The following DOCK3 variants were observed in gnomAD, a reference collection of about 807,000 sequenced individuals.
DOCK3 encodes the protein dedicator of cytokinesis protein 3.
Under a neutral mutation model 265.6 loss-of-function variants are expected in DOCK3, and 60 were observed. The ratio of observed to expected loss-of-function variants is 0.23; its 90% confidence interval spans 0.18 to 0.28. The LOEUF (loss-of-function observed/expected upper bound fraction) is 0.28. Among genes scored for constraint, DOCK3 ranks in the 10% least tolerant of loss-of-function variants. DOCK3 has a pLI of 1.00. For missense variants in DOCK3, 1,981 were observed against 2,594.3 expected (o/e 0.76, Z 5.14); for synonymous variants, 881 against 938.0 (o/e 0.94, Z 1.11).
intron 11 of DOCK3, among the ~76,000 whole-genome samples, chr3:51,159,812 C>A (rs1344249153): frequency 6.6e-6 from 1 of 152,220 alleles, no homozygotes; most frequent in Non-Finnish European, 1.5e-5. Context: ...ATTTTTACTA[C>A]TGTTCTGTGG....
rs1211762588 is a variant in DOCK3, at chr3:51,225,677, C to T, written c.1281C>T (p.Thr427=). 6.2e-7 allele frequency: 1 copy of T among 1,613,392 alleles called. No homozygotes were observed. The highest frequency in any genetic ancestry group is 2.2e-5 in the East Asian group (1 of 44,876). ...ATATCCGCAATGACCTGTACCTAAC[C>T]CTGGAGAAGGGGGATTTCGAGAGAG... The part of the protein sequence containing the change: ...PGDIRNDLYL[T]LEKGDFERGG... The change falls in exon 15 of 53, where the codon ACC becomes ACT. Residue 427 remains threonine (T), a synonymous_variant. Coordinates refer to ENST00000266037, the MANE Select transcript of DOCK3 (RefSeq NM_004947.5).
chr3:50,780,016 G>C (rs1214262650), intron 2 of DOCK3, among the ~76,000 whole-genome samples: 1 of 152,112 alleles, frequency 6.6e-6, no homozygotes, highest in Non-Finnish European at 1.5e-5. Context: ...TTGGGTTACT[G>C]TTAAGAGGGG....
At chr3:50,796,007 C>T (rs11928733) in intron 2 of DOCK3, among the ~76,000 whole-genome samples, 114,786 of 151,728 alleles carry the variant, frequency 0.76, 44,570 homozygotes, top group Middle Eastern at 0.88. Context: ...GCCATCTGAG[C>T]GCCATTGGGA....
intron 5 of DOCK3, among the ~76,000 whole-genome samples, chr3:50,950,917 A>G (rs933483453): frequency 1.3e-5 from 2 of 152,180 alleles, no homozygotes; most frequent in African/African-American, 4.8e-5. Flanking sequence ...TTTATCAACA[A>G]ATATTGGAGA....
chr3:50,988,941 G>A (rs2078002453), intron 5 of DOCK3, among the ~76,000 whole-genome samples: 1 of 152,108 alleles, frequency 6.6e-6, no homozygotes, highest in African/African-American at 2.4e-5. Flanking sequence ...AGCCTCTCTG[G>A]CACTGTTTCT....
chr3:51,215,890 A>G (rs1041934662), intron 14 of DOCK3, among the ~76,000 whole-genome samples: 2 of 152,002 alleles, frequency 1.3e-5, no homozygotes, highest in Non-Finnish European at 2.9e-5. Flanking sequence ...GCCACAGGAC[A>G]CTTCTACCAT....
At chr3:50,741,314 T>G (rs1297423385) in intron 1 of DOCK3, among the ~76,000 whole-genome samples, 1 of 151,572 alleles carries the variant, frequency 6.6e-6, no homozygotes, top group Non-Finnish European at 1.5e-5. Context: ...AGGGTACATG[T>G]GCACAATGTG....
chr3:51,191,571 C>G (rs2087951209), intron 12 of DOCK3, among the ~76,000 whole-genome samples: 1 of 152,002 alleles, frequency 6.6e-6, no homozygotes, highest in African/African-American at 2.4e-5. Flanking sequence ...GGCAGTGTCT[C>G]CCCTTCTCAC....
intron 22 of DOCK3, among the ~76,000 whole-genome samples, chr3:51,251,460 T>G (rs2079233709): frequency 6.6e-6 from 1 of 152,260 alleles, no homozygotes; most frequent in South Asian, 2.1e-4. Context: ...TTTTCCACAA[T>G]GGTTGGACTA....
chr3:50,768,565 C>A (rs967807136), intron 1 of DOCK3, among the ~76,000 whole-genome samples: 2 of 152,138 alleles, frequency 1.3e-5, no homozygotes, highest in Admixed American at 6.6e-5. Context: ...GAGCCAAAGA[C>A]AAAAACCACA....
intron 27 of DOCK3, among the ~76,000 whole-genome samples, chr3:51,289,147 T>G (rs1182614881): frequency 6.6e-6 from 1 of 152,118 alleles, no homozygotes; most frequent in Non-Finnish European, 1.5e-5. Flanking sequence ...TGCAGCAACA[T>G]GGATGGAGCT....
chr3:51,296,162 A>G (rs941910337), intron 27 of DOCK3, among the ~76,000 whole-genome samples: 1 of 152,362 alleles, frequency 6.6e-6, no homozygotes, highest in Admixed American at 6.5e-5. Context: ...CCAAAAATCT[A>G]TAGTTCTATA....
chr3:50,782,448 G>A (rs1287766798), intron 2 of DOCK3, among the ~76,000 whole-genome samples: 8 of 150,892 alleles, frequency 5.3e-5, no homozygotes, highest in Middle Eastern at 3.4e-3. Flanking sequence ...CCGCTACCAC[G>A]CCCGGCTAAT....
At chr3:50,681,458 A>G (rs939984916) in intron 1 of DOCK3, among the ~76,000 whole-genome samples, 2 of 152,202 alleles carry the variant, frequency 1.3e-5, no homozygotes, top group Non-Finnish European at 1.5e-5. Flanking sequence ...TTTAATTCCA[A>G]TGTTATGCTT....
At chr3:51,299,599 T>C (rs189613158) in intron 27 of DOCK3, among the ~76,000 whole-genome samples, 2 of 152,212 alleles carry the variant, frequency 1.3e-5, no homozygotes, top group Admixed American at 6.5e-5. Context: ...TTATATAAAG[T>C]GTAAGGAAGG....
At chr3:51,099,175 G>A (rs903652285) in intron 9 of DOCK3, among the ~76,000 whole-genome samples, 4 of 152,214 alleles carry the variant, frequency 2.6e-5, no homozygotes, top group African/African-American at 4.8e-5. Flanking sequence ...GTCTTGACAT[G>A]CTTCTACATA....
intron 11 of DOCK3, among the ~76,000 whole-genome samples, chr3:51,159,714 G>A (rs1323682191): frequency 6.6e-6 from 1 of 152,114 alleles, no homozygotes; most frequent in African/African-American, 2.4e-5. Flanking sequence ...TTATGTATCT[G>A]TGGCTCTCTC....
chr3:50,891,254 T>C (rs956285201), intron 4 of DOCK3, among the ~76,000 whole-genome samples: 1 of 152,112 alleles, frequency 6.6e-6, no homozygotes, highest in African/African-American at 2.4e-5. Context: ...GCCTCATGAT[T>C]AGTCCTTAGA....
intron 41 of DOCK3, among the ~76,000 whole-genome samples, chr3:51,355,844 A>G (rs1440669401): frequency 6.6e-6 from 1 of 152,104 alleles, no homozygotes; most frequent in Non-Finnish European, 1.5e-5. Flanking sequence ...GGCTGTTGAC[A>G]TCTCACCTTG....
Sources: gnomAD v4.1 joint callset for allele counts (sites outside exome capture counted in the v4.1 genomes callset) on GRCh38, gnomAD v4.1.1 for gene constraint, MANE v1.5 for transcripts, NCBI Gene and HGNC (gene_info 2026-07-23, HGNC 2026-07-21) for gene names.